IRAG2: variants seen among roughly 807,000 people sequenced by gnomAD.
IRAG2 encodes the protein lymphoid restricted membrane protein.
In IRAG2, 45 loss-of-function variants were observed where a neutral mutation model predicts 69.9. That is an observed-to-expected ratio of 0.64 (90% CI 0.51 to 0.83). The LOEUF (loss-of-function observed/expected upper bound fraction) is 0.83. Among genes scored for constraint, IRAG2 ranks in the 40% least tolerant of loss-of-function variants. IRAG2 has a pLI of 0.00. For synonymous variants in IRAG2, 193 were observed against 202.4 expected, an observed-to-expected ratio of 0.95 and a Z score of 0.40; for missense variants, 520 against 587.0, an observed-to-expected ratio of 0.89 and a Z score of 1.18.
At chr12:25,011,575 C>G in intron 3 of IRAG2, 1 of 1,199,700 alleles carries the variant, frequency 8.3e-7, no homozygotes. Flanking sequence ...TAGTGGGATG[C>G]AGTTTAAGGT....
intron 6 of IRAG2, among the ~76,000 whole-genome samples, chr12:25,077,235 T>A (rs1000616875): frequency 8.2e-6 from 1 of 121,692 alleles, no homozygotes; most frequent in African/African-American, 3.1e-5. Context: ...ATATGATATA[T>A]ATATGAAATA....
At chr12:25,106,111 AATT>A (rs1182910612) in intron 20 of IRAG2, among the ~76,000 whole-genome samples, 6 of 152,096 alleles carry the variant, frequency 3.9e-5, no homozygotes, top group Admixed American at 2.6e-4. Context: ...ACACGTTTTA[AATT>A]ATTAAGATTT....
intron 2 of IRAG2, among the ~76,000 whole-genome samples, chr12:25,009,925 A>C (rs1944462057): frequency 6.6e-6 from 1 of 152,212 alleles, no homozygotes; most frequent in Non-Finnish European, 1.5e-5. Flanking sequence ...GATGAGGCCC[A>C]CCTGCACTAG....
At chr12:25,102,940 A>C (rs962931657) in intron 17 of IRAG2, among the ~76,000 whole-genome samples, 1 of 152,198 alleles carries the variant, frequency 6.6e-6, no homozygotes, top group Non-Finnish European at 1.5e-5. Flanking sequence ...CATTCCATAC[A>C]AATCCCTCTT....
chr12:25,035,021 G>C (rs935376387), intron 13 of IRAG2, among the ~76,000 whole-genome samples: 2 of 152,192 alleles, frequency 1.3e-5, no homozygotes, highest in Non-Finnish European at 2.9e-5. Context: ...ATGATGTCAA[G>C]ATGCCAGCCC....
In IRAG2 at chr12:25,096,905, T is replaced by C; in HGVS notation, c.607-5T>C. 1 of 1,606,100 alleles carries C rather than the reference T, an allele frequency of 6.2e-7. No homozygotes were observed. The highest frequency in any genetic ancestry group is 8.5e-7 in the Non-Finnish European group (1 of 1,177,518). Reference sequence around the variant, plus strand: ...ATATCTTTTAATATGCTGTTTTCTATACAGTCTTTAACACCTCTGTGTGAA... The same window carrying C: ...ATATCTTTTAATATGCTGTTTTCTACACAGTCTTTAACACCTCTGTGTGAA... On this transcript the variant is annotated splice_region_variant and splice_polypyrimidine_tract_variant and intron_variant, in intron 14 of 21. Coordinates refer to ENST00000556887, the MANE Select transcript of IRAG2 (RefSeq NM_001366544.2).
intron 11 of IRAG2, 78 bp from the exon 12 acceptor site, chr12:25,089,536 G>T: frequency 1.3e-6 from 1 of 778,738 alleles, no homozygotes; most frequent in South Asian, 1.7e-5. Context: ...TTGTTTAGTG[G>T]AGATATAACA....
rs757415050 is a variant in IRAG2 at position 25,103,857 on chromosome 12, G to A, written c.954G>A (p.Val318=). The part of the protein sequence containing the change: ...LNSKPSSLRR[V]TIASLPRNIG... ...GGTAGCCATCTTCTCTACGAAGAGTGACTATTGCCTCTTTACCCAGAAATA... is the reference window on the plus strand; with the variant it reads ...GGTAGCCATCTTCTCTACGAAGAGTAACTATTGCCTCTTTACCCAGAAATA... The change falls in exon 18 of 22, where the codon GTG becomes GTA. Residue 318 remains valine (V), a synonymous_variant. Coordinates refer to ENST00000556887, the MANE Select transcript of IRAG2 (RefSeq NM_001366544.2). 6.2e-7 allele frequency: 1 copy of A among 1,613,088 alleles called. No homozygotes were observed. The highest frequency in any genetic ancestry group is 8.5e-7 in the Non-Finnish European group (1 of 1,179,312).
At chr12:25,075,523 T>TGTGTGTGTG (rs1555138399) in intron 6 of IRAG2, among the ~76,000 whole-genome samples, 1 of 97,540 alleles carries the variant, frequency 1.0e-5, no homozygotes, top group East Asian at 2.2e-4. Context: ...TGTGTATGCG[T>TGTGTGTGTG]GTGTGTGTGT....
intron 1 of IRAG2, chr12:25,005,202 C>T: frequency 2.1e-6 from 2 of 960,352 alleles, no homozygotes; most frequent in Non-Finnish European, 2.7e-6. Flanking sequence ...CATTATAGCA[C>T]AGAAAGCATC....
At chr12:25,061,860 T>C (rs2139971790) in intron 2 of IRAG2, among the ~76,000 whole-genome samples, 1 of 152,340 alleles carries the variant, frequency 6.6e-6, no homozygotes, top group East Asian at 1.9e-4. Context: ...AGTGAGTGGC[T>C]ACTGATAATA....
At chr12:25,092,336 G>T (rs1433987198) in intron 14 of IRAG2, among the ~76,000 whole-genome samples, 6 of 151,158 alleles carry the variant, frequency 4.0e-5, no homozygotes, top group Non-Finnish European at 4.4e-5. Context: ...GGAGGCAGAG[G>T]TTGCAGTCAG....
chr12:25,071,792 A>AT (rs5797117), intron 6 of IRAG2, among the ~76,000 whole-genome samples: 33,201 of 144,286 alleles, frequency 0.23, 3,778 homozygotes, highest in African/African-American at 0.29. Context: ...CCTTGAAAGT[A>AT]TTTTTTTTTT....
At chr12:25,088,239 C>T (rs919526795) in intron 11 of IRAG2, 82 bp downstream of exon 11, 24 of 1,100,188 alleles carry the variant, frequency 2.2e-5, no homozygotes, top group Non-Finnish European at 2.5e-5. Context: ...CTGAATAAAG[C>T]TATGTCACTT....
chr12:25,070,244 G>A (rs189109328), intron 6 of IRAG2, among the ~76,000 whole-genome samples: 50 of 152,204 alleles, frequency 3.3e-4, no homozygotes, highest in Middle Eastern at 6.8e-3. Context: ...AATAAACTGC[G>A]TACCCATTGG....
At chr12:25,084,139 G>A (rs1947410113) in intron 10 of IRAG2, among the ~76,000 whole-genome samples, 1 of 152,194 alleles carries the variant, frequency 6.6e-6, no homozygotes, top group Admixed American at 6.5e-5. Context: ...TGTAATCCCA[G>A]CACTTTGAGA....
At chr12:25,083,384 G>GC (rs539855586) in intron 9 of IRAG2, 39 bp from the exon 10 acceptor site, 78 of 1,320,862 alleles carry the variant, frequency 5.9e-5, no homozygotes, top group Admixed American at 1.0e-4. Flanking sequence ...ACTTGCTCCT[G>GC]CCCCCCTAAC....
At chr12:25,047,151 A>C (rs1050918233) in intron 16 of IRAG2, among the ~76,000 whole-genome samples, 8 of 152,234 alleles carry the variant, frequency 5.3e-5, no homozygotes, top group African/African-American at 1.7e-4. Flanking sequence ...TTGGACTCTT[A>C]TACCATAAAC....
At chr12:25,055,170 A>G (rs930971807) in intron 1 of IRAG2, among the ~76,000 whole-genome samples, 1 of 152,272 alleles carries the variant, frequency 6.6e-6, no homozygotes, top group Non-Finnish European at 1.5e-5. Flanking sequence ...ATCAATGTGC[A>G]TAATGTTCAC....
Sources: allele counts gnomAD v4.1 joint callset (sites outside exome capture counted in the v4.1 genomes callset), GRCh38; gene constraint gnomAD v4.1.1; transcripts MANE v1.5; gene names NCBI Gene and HGNC (gene_info 2026-07-23, HGNC 2026-07-21).